Variants in UNC93A observed in about 807,000 individuals in gnomAD.
UNC93A encodes unc-93 homolog A.
UNC93A carries 43 observed loss-of-function variants against 47.5 expected under a neutral mutation model. The ratio of observed to expected loss-of-function variants is 0.91; its 90% CI spans 0.71 to 1.17. The LOEUF (loss-of-function observed/expected upper bound fraction) is 1.17, where lower values mean the gene tolerates loss of function less well. Among genes scored for constraint, UNC93A ranks in the 50% most tolerant of loss-of-function variants. The pLI, the probability that UNC93A is intolerant of heterozygous loss-of-function variation, is 0.00. For missense variants in UNC93A, 605 were observed against 577.6 expected (o/e 1.05, Z -0.49); for synonymous variants, 280 against 258.0 (o/e 1.09, Z -0.82).
At chr6:167,314,351 CT>C (rs1430878992) in intron 7 of UNC93A, among the ~76,000 whole-genome samples, 1 of 152,154 alleles carries the variant, frequency 6.6e-6, no homozygotes, top group African/African-American at 2.4e-5. Context: ...GCTTCTGCCC[CT>C]GGTTTCAGGC....
At chr6:167,307,456 C>CAGTTCCAAAGGATGGTTGAGAT (rs11270007) in intron 6 of UNC93A, among the ~76,000 whole-genome samples, 1 of 150,346 alleles carries the variant, frequency 6.7e-6, no homozygotes, top group Non-Finnish European at 1.5e-5. Flanking sequence ...TTCCAGAGGA[C>CAGTTCCAAAGGATGGTTGAGAT]GGTTCCAGAG....
At chr6:167,273,222 T>G (rs577889657) in intron 1 of UNC93A, among the ~76,000 whole-genome samples, 1 of 152,104 alleles carries the variant, frequency 6.6e-6, no homozygotes, top group Admixed American at 6.5e-5. Context: ...GCACGCTGGG[T>G]CAGGCCCCAT....
intron 4 of UNC93A, among the ~76,000 whole-genome samples, chr6:167,300,686 C>T (rs1043178293): frequency 6.6e-6 from 1 of 152,116 alleles, no homozygotes; most frequent in Admixed American, 6.5e-5. Context: ...CCCCAAGGTT[C>T]CCATCAACAT....
At chr6:167,284,273 C>T (rs186944264) in intron 1 of UNC93A, among the ~76,000 whole-genome samples, 2 of 151,870 alleles carry the variant, frequency 1.3e-5, no homozygotes, top group South Asian at 2.1e-4. Context: ...CTTTATGTGA[C>T]ATTTTTCTTC....
chr6:167,298,043 G>T lies in UNC93A; in HGVS notation c.598G>T (p.Val200Phe), dbSNP rs753048382. ...CACCCAGAGGCCCTCCCAGCAGCTG[G>T]TCTACACCCTCCTGGGCATCTACAC... ...NSTQRPSQQL[V>F]YTLLGIYTGS... Residue 200 changes from valine to phenylalanine, a missense_variant, in exon 4 of 8, where the codon GTC (valine) becomes TTC (phenylalanine). Transcript: ENST00000230256. 2 of 1,613,794 alleles carry T rather than the reference G, an allele frequency of 1.2e-6. No individual in the cohort carries two copies. The highest frequency in any genetic ancestry group is 1.7e-5 in the Admixed American group (1 of 59,998).
Position 167,294,539 on chromosome 6 carries a change from G to T in UNC93A, c.110G>T (p.Gly37Val). The T allele has an allele frequency of 6.2e-7, 1 of 1,614,068 alleles. No individual in the cohort carries two copies. The highest frequency in any genetic ancestry group is 1.1e-5 in the South Asian group (1 of 91,082). ...SLQSSLYSEE[G>V]LGVTALSTLY... is the part of the protein sequence containing the mutation. ...CAGAGCAGCCTGTACAGCGAGGAGGGCCTGGGTGTCACAGCGCTCAGCACC... is the reference window on the plus strand; with the variant it reads ...CAGAGCAGCCTGTACAGCGAGGAGGTCCTGGGTGTCACAGCGCTCAGCACC... The change falls in exon 2 of 8, where the codon GGC becomes GTC. Residue 37 changes from glycine to valine, a missense_variant. Coordinates refer to ENST00000230256, the MANE Select transcript of UNC93A (RefSeq NM_018974.4).
chr6:167,303,823 C>T, intron 4 of UNC93A, 96 bp from the exon 5 acceptor site: 1 of 1,228,422 alleles, frequency 8.1e-7, no homozygotes, highest in Non-Finnish European at 1.2e-6. Flanking sequence ...TTAGCCCTCC[C>T]TCGCGAGAGG....
chr6:167,315,566 A>G lies in UNC93A; in HGVS notation c.*114A>G, dbSNP rs1778671672. 10 of 1,443,676 alleles carry G rather than the reference A, an allele frequency of 6.9e-6. No homozygotes were observed. The highest frequency in any genetic ancestry group is 9.4e-6 in the Non-Finnish European group (10 of 1,064,192). The allele number at this position is 1,443,676 out of a possible 1,614,324, so 89.4% of individuals were successfully genotyped here. A position where few individuals can be genotyped will look rare whatever the true frequency, so the allele number is the denominator to read the frequency against. ...ATCACCATCTCAGCACAATTTGGCC[A>G]TTCTGAAGAGATCATGTTATTTCAC... On this transcript the variant is annotated 3_prime_UTR_variant, in exon 8 of 8. Coordinates refer to ENST00000230256, the MANE Select transcript of UNC93A (RefSeq NM_018974.4).
Position 167,296,069 on chromosome 6 carries a change from G to A in UNC93A, c.307G>A (p.Gly103Arg), listed in dbSNP as rs775793583. The change falls in exon 3 of 8, where the codon GGG (glycine) becomes AGG (arginine). Residue 103 changes from glycine (G) to arginine (R), a missense_variant. By Grantham distance (125) the Gly-to-Arg change is moderately radical (BLOSUM62 -2). Transcript: ENST00000230256. ...LIPTSILLGL[G>R]AAPLWSAQCT... ...CCCCACCTCCATACTGCTGGGACTC[G>A]GGGCCGCCCCGCTGTGGTCTGCACA... 7 of 1,614,056 alleles carry A rather than the reference G, an allele frequency of 4.3e-6. No individual in the cohort carries two copies. Among genetic ancestry groups the A allele is most frequent in the Middle Eastern group, 1.6e-4 (1 of 6,082 alleles).
intron 1 of UNC93A, among the ~76,000 whole-genome samples, chr6:167,276,178 A>G (rs1056045889): frequency 6.6e-6 from 1 of 151,468 alleles, no homozygotes; most frequent in Non-Finnish European, 1.5e-5. Context: ...GGCCACAATG[A>G]CAGGGTTTTA....
At chr6:167,308,157 T>A (rs1241288279) in intron 7 of UNC93A, among the ~76,000 whole-genome samples, 1 of 152,142 alleles carries the variant, frequency 6.6e-6, no homozygotes, top group African/African-American at 2.4e-5. Context: ...TCCCTCAGGA[T>A]GATGTGGTTT....
intron 2 of UNC93A, among the ~76,000 whole-genome samples, chr6:167,295,003 G>T (rs546117757): frequency 6.6e-6 from 1 of 152,244 alleles, no homozygotes; most frequent in African/African-American, 2.4e-5. Flanking sequence ...GAGGGTTCCA[G>T]TAACACAGGG....
chr6:167,298,788 G>A (rs937548575), intron 4 of UNC93A, among the ~76,000 whole-genome samples: 1 of 151,956 alleles, frequency 6.6e-6, no homozygotes, highest in African/African-American at 2.4e-5. Context: ...CATTTAGAGA[G>A]TTTTAAAAAC....
At chr6:167,301,481 G>T (rs1256645594) in intron 4 of UNC93A, among the ~76,000 whole-genome samples, 3 of 152,176 alleles carry the variant, frequency 2.0e-5, no homozygotes, top group Non-Finnish European at 4.4e-5. Context: ...CCCTCTCCCT[G>T]GGTAACTTTC....
intron 4 of UNC93A, among the ~76,000 whole-genome samples, chr6:167,299,135 C>A (rs2346120): frequency 0.21 from 27,857 of 129,738 alleles, 3,316 homozygotes; most frequent in African/African-American, 0.34. Flanking sequence ...AAAAAATACA[C>A]ACACACACAC....
chr6:167,281,986 A>T (rs1233573593), intron 1 of UNC93A, among the ~76,000 whole-genome samples: 1 of 152,188 alleles, frequency 6.6e-6, no homozygotes, highest in Non-Finnish European at 1.5e-5. Flanking sequence ...GTAGACTGAG[A>T]CTTTATGGTC....
chr6:167,282,457 A>G (rs537446995), intron 1 of UNC93A, among the ~76,000 whole-genome samples: 1 of 152,192 alleles, frequency 6.6e-6, no homozygotes, highest in South Asian at 2.1e-4. Context: ...GAGATTTGGG[A>G]AAATAAGAAA....
upstream of UNC93A, among the ~76,000 whole-genome samples, chr6:167,287,682 A>G (rs1208804786): frequency 8.1e-6 from 1 of 123,656 alleles, no homozygotes; most frequent in Non-Finnish European, 1.7e-5. Flanking sequence ...GAAAATAAAA[A>G]GGGTGTGTGT....
chr6:167,314,637 CAA>C (rs1259579272), intron 7 of UNC93A, among the ~76,000 whole-genome samples: 5 of 152,238 alleles, frequency 3.3e-5, no homozygotes, highest in Non-Finnish European at 5.9e-5. Context: ...CCGTTCTATT[CAA>C]AGTCACCCCT....
Sources: gnomAD v4.1 joint callset for allele counts (sites outside exome capture counted in the v4.1 genomes callset) on GRCh38, gnomAD v4.1.1 for gene constraint, MANE v1.5 for transcripts, NCBI Gene and HGNC (gene_info 2026-07-23, HGNC 2026-07-21) for gene names.